The following CWF19L2 variants were observed in gnomAD, a reference collection of about 807,000 sequenced individuals.
CWF19L2 encodes CWF19 like cell cycle control factor 2.
In CWF19L2, 98 loss-of-function variants were observed where a neutral mutation model predicts 111.7. The ratio of observed to expected loss-of-function variants is 0.88; its 90% CI spans 0.75 to 1.04. CWF19L2 has a LOEUF of 1.04. Among genes scored for constraint, CWF19L2 ranks in the 50% least tolerant of loss-of-function variants. The pLI, the probability that CWF19L2 is intolerant of heterozygous loss-of-function variation, is 0.00. For synonymous variants in CWF19L2, 351 were observed against 342.9 expected, an observed-to-expected ratio of 1.02 and a Z score of -0.26; for missense variants, 1,101 against 1,051.4, an observed-to-expected ratio of 1.05 and a Z score of -0.65.
rs113879850 is a variant in CWF19L2, at chr11:107,451,235, A to T, written c.339+3215T>A. Among the ~76,000 whole-genome samples, 826 of 152,270 alleles carry T rather than the reference A, an allele frequency of 5.4e-3. 8 individuals carry two copies. The highest frequency in any genetic ancestry group is 0.019 in the African/African-American group (788 of 41,578). ...CAAGTTTAAAAACTCTTATATATCC[A>T]TGAGTAAGAAAAAGTAAAGTAAAAA... On this transcript the variant is annotated intron_variant, in intron 3 of 17. Coordinates refer to ENST00000282251, the MANE Select transcript of CWF19L2 (RefSeq NM_152434.3).
At chr11:107,346,566 T>C (rs916755318) in intron 14 of CWF19L2, among the ~76,000 whole-genome samples, 8 of 152,162 alleles carry the variant, frequency 5.3e-5, no homozygotes, top group Admixed American at 1.3e-4. Context: ...CAAGTACTTA[T>C]GGACGTGGAG....
chr11:107,349,100 G>T, intron 13 of CWF19L2, 47 bp from the exon 14 acceptor site: 1 of 954,666 alleles, frequency 1.0e-6, no homozygotes, highest in Non-Finnish European at 1.6e-6. Context: ...TTATTTATAT[G>T]TTATATATTT....
intron 10 of CWF19L2, among the ~76,000 whole-genome samples, chr11:107,397,395 TC>T (rs949093388): frequency 7.2e-5 from 11 of 151,888 alleles, no homozygotes; most frequent in African/African-American, 1.9e-4. Flanking sequence ...CTGCCAGCTT[TC>T]CCCCACTTCC....
chr11:107,368,122 C>A (rs1335102904), intron 12 of CWF19L2, among the ~76,000 whole-genome samples: 1 of 50,118 alleles, frequency 2.0e-5, no homozygotes, highest in Admixed American at 1.4e-4. Flanking sequence ...TGAGACCCCC[C>A]CCCACACAAA....
intron 12 of CWF19L2, among the ~76,000 whole-genome samples, chr11:107,357,995 C>T (rs1357721968): frequency 1.3e-5 from 2 of 152,120 alleles, no homozygotes; most frequent in Admixed American, 6.6e-5. Flanking sequence ...TTATATTATA[C>T]AAAATCAATT....
intron 7 of CWF19L2, 144 bp from the exon 8 acceptor site, chr11:107,429,595 C>T: frequency 1.7e-6 from 1 of 575,908 alleles, no homozygotes; most frequent in Non-Finnish European, 3.0e-6. Context: ...TACAATCATC[C>T]TATACGGAAA....
chr11:107,389,086 T>G (rs993918579), intron 12 of CWF19L2, among the ~76,000 whole-genome samples: 1 of 152,222 alleles, frequency 6.6e-6, no homozygotes, highest in Non-Finnish European at 1.5e-5. Flanking sequence ...GGTAACATAC[T>G]TACGTACTTA....
chr11:107,425,061 G>GA (rs1861354632), intron 8 of CWF19L2, among the ~76,000 whole-genome samples: 1 of 151,324 alleles, frequency 6.6e-6, no homozygotes, highest in African/African-American at 2.4e-5. Context: ...CCTGCAAAAA[G>GA]AAAAAAAGCC....
chr11:107,415,780 T>C (rs1224042688), intron 10 of CWF19L2, among the ~76,000 whole-genome samples: 4 of 152,274 alleles, frequency 2.6e-5, no homozygotes, highest in Middle Eastern at 3.4e-3. Context: ...CAGACACATA[T>C]ACAGACACAT....
chr11:107,418,726 T>A (rs886250493), intron 8 of CWF19L2, among the ~76,000 whole-genome samples: 1 of 152,190 alleles, frequency 6.6e-6, no homozygotes, highest in South Asian at 2.1e-4. Flanking sequence ...AATAAAAGCA[T>A]TGATCGTGTG....
Position 107,434,742 on chromosome 11 carries a change from A to G in CWF19L2, c.665-993T>C, listed in dbSNP as rs541166389. On this transcript the variant is annotated intron_variant, in intron 6 of 17. Coordinates refer to ENST00000282251, the MANE Select transcript of CWF19L2 (RefSeq NM_152434.3). ...ATGGATGAATCTCAAAATGTGGGCA[A>G]AAGGAGCTGGAAACAAAGGAGGATA... Among the ~76,000 whole-genome samples, 4 of 152,010 alleles carry G rather than the reference A, an allele frequency of 2.6e-5. No homozygotes were observed. The East Asian group carries it at 7.7e-4, about 29-fold the overall frequency.
At chr11:107,380,046 CAAAAAAAAAAA>C (rs66699460) in intron 12 of CWF19L2, among the ~76,000 whole-genome samples, 11 of 34,490 alleles carry the variant, frequency 3.2e-4, no homozygotes, top group South Asian at 3.6e-3. Flanking sequence ...GACACCGTCT[CAAAAAAAAAAA>C]AAAAAAAAAA....
intron 3 of CWF19L2, 75 bp from the exon 4 acceptor site, chr11:107,443,124 G>T (rs1861655373): frequency 1.1e-5 from 11 of 1,001,694 alleles, no homozygotes; most frequent in Non-Finnish European, 1.7e-5. Flanking sequence ...CTGTTAAGTG[G>T]TAGAAATTCA....
intron 12 of CWF19L2, among the ~76,000 whole-genome samples, chr11:107,370,442 T>C (rs972826493): frequency 7.3e-6 from 1 of 137,082 alleles, no homozygotes; most frequent in Non-Finnish European, 1.6e-5. Flanking sequence ...ATTTCTTGTC[T>C]TCTTTGTTCC....
intron 14 of CWF19L2, among the ~76,000 whole-genome samples, chr11:107,341,015 T>C (rs1426893894): frequency 1.3e-5 from 2 of 152,050 alleles, no homozygotes; most frequent in Non-Finnish European, 2.9e-5. Context: ...AACTGCAGAG[T>C]GGTGAAAAAG....
chr11:107,342,468 G>T (rs962403834), intron 14 of CWF19L2, among the ~76,000 whole-genome samples: 1 of 151,708 alleles, frequency 6.6e-6, no homozygotes, highest in African/African-American at 2.4e-5. Flanking sequence ...GGAATTTTTT[G>T]ATTATCTTTC....
At chr11:107,403,774 A>G in intron 10 of CWF19L2, 1 of 900,986 alleles carries the variant, frequency 1.1e-6, no homozygotes, top group Non-Finnish European at 1.9e-6. Context: ...GTGCAATCTC[A>G]GCTGCAACTT....
At chr11:107,418,116 C>G in intron 9 of CWF19L2, 78 bp downstream of exon 9, 1 of 908,558 alleles carries the variant, frequency 1.1e-6, no homozygotes, top group Non-Finnish European at 1.8e-6. Context: ...ATCCACACTG[C>G]TAAGGAACTT....
At chr11:107,342,425 A>G (rs1209778276) in intron 14 of CWF19L2, among the ~76,000 whole-genome samples, 3 of 152,032 alleles carry the variant, frequency 2.0e-5, no homozygotes, top group African/African-American at 7.2e-5. Flanking sequence ...ATAATACACT[A>G]TTGAAGTGTA....
Sources: gnomAD v4.1 joint callset for allele counts (sites outside exome capture counted in the v4.1 genomes callset) on GRCh38, gnomAD v4.1.1 for gene constraint, MANE v1.5 for transcripts, NCBI Gene and HGNC (gene_info 2026-07-23, HGNC 2026-07-21) for gene names.